The following NRG3 variants were observed in gnomAD, a reference collection of about 807,000 sequenced individuals.
NRG3 encodes the protein neuregulin 3, also known as pro-neuregulin-3, membrane-bound isoform.
In NRG3, 31 loss-of-function variants were observed where a neutral mutation model predicts 66.9. That is an observed-to-expected ratio of 0.46 (90% CI 0.35 to 0.63). The LOEUF is 0.63. Ranked by LOEUF, NRG3 falls within the 20% of genes least tolerant of loss-of-function variation. NRG3 has a pLI of 0.00. For synonymous variants in NRG3, 393 were observed against 359.4 expected, an observed-to-expected ratio of 1.09 and a Z score of -1.06; for missense variants, 910 against 878.9, an observed-to-expected ratio of 1.04 and a Z score of -0.45.
intron 2 of NRG3, among the ~76,000 whole-genome samples, chr10:82,667,905 G>T (rs1470794634): frequency 6.6e-6 from 1 of 152,128 alleles, no homozygotes; most frequent in African/African-American, 2.4e-5. Flanking sequence ...AATTTTAGAT[G>T]CAAAGCTGAC....
intron 1 of NRG3, among the ~76,000 whole-genome samples, chr10:82,287,914 G>C (rs2079513457): frequency 1.3e-5 from 2 of 152,154 alleles, no homozygotes; most frequent in Non-Finnish European, 2.9e-5. Flanking sequence ...GTCCCTTGTT[G>C]ATCATGATTA....
intron 1 of NRG3, among the ~76,000 whole-genome samples, chr10:82,006,864 C>G (rs936582043): frequency 6.6e-6 from 1 of 152,144 alleles, no homozygotes; most frequent in Admixed American, 6.6e-5. Context: ...ATCAATTAAG[C>G]TAAGTTCTCT....
rs146300093 is a variant in NRG3 at position 82,172,520 on chromosome 10, C to T, written c.824-186219C>T. Among the ~76,000 whole-genome samples the T allele has an allele frequency of 8.5e-5, 13 of 152,144 alleles. No individual in the cohort carries two copies. In the East Asian group the frequency reaches 1.6e-3, roughly 18 times the overall value. On this transcript the variant is annotated intron_variant, in intron 1 of 8. Transcript: ENST00000372141. ...ACTGGAGAATAGAACAAGAAATCTACGCTTAAATCTCAGCTTCAAGACTTC... is the reference window on the plus strand; with the variant it reads ...ACTGGAGAATAGAACAAGAAATCTATGCTTAAATCTCAGCTTCAAGACTTC...
intron 1 of NRG3, among the ~76,000 whole-genome samples, chr10:81,890,085 CA>C (rs1217419009): frequency 6.6e-6 from 1 of 152,152 alleles, no homozygotes; most frequent in Non-Finnish European, 1.5e-5. Context: ...CTAGATAACA[CA>C]AAAATGTTAA....
chr10:82,330,696 T>G (rs1407352412), intron 1 of NRG3, among the ~76,000 whole-genome samples: 1 of 152,234 alleles, frequency 6.6e-6, no homozygotes, highest in East Asian at 1.9e-4. Flanking sequence ...GTTTCCTACC[T>G]CGTTGTAAGT....
At chr10:82,699,802 A>T (rs1390499263) in intron 2 of NRG3, among the ~76,000 whole-genome samples, 1 of 152,078 alleles carries the variant, frequency 6.6e-6, no homozygotes, top group Non-Finnish European at 1.5e-5. Flanking sequence ...AGAACACAAT[A>T]CTGCACAAAT....
intron 2 of NRG3, among the ~76,000 whole-genome samples, chr10:82,395,130 G>A (rs375847338): frequency 3.5e-4 from 54 of 152,268 alleles, no homozygotes; most frequent in African/African-American, 1.2e-3. Flanking sequence ...ATGCCAGATA[G>A]CTGCTGCCAA....
At chr10:82,868,495 C>T (rs1234525329) in intron 4 of NRG3, among the ~76,000 whole-genome samples, 1 of 152,058 alleles carries the variant, frequency 6.6e-6, no homozygotes, top group Non-Finnish European at 1.5e-5. Context: ...TGGGGAACAA[C>T]TCAGAGTTCA....
chr10:82,239,447 C>T (rs2133978931), intron 1 of NRG3, among the ~76,000 whole-genome samples: 1 of 152,262 alleles, frequency 6.6e-6, no homozygotes, highest in African/African-American at 2.4e-5. Flanking sequence ...TGAGCCACCG[C>T]ACCTGGCCAG....
intron 1 of NRG3, among the ~76,000 whole-genome samples, chr10:82,206,182 A>T (rs574426292): frequency 6.6e-6 from 1 of 152,278 alleles, no homozygotes; most frequent in Admixed American, 6.5e-5. Context: ...GCATCTTCAA[A>T]TATTTAGTTT....
intron 1 of NRG3, among the ~76,000 whole-genome samples, chr10:82,042,343 T>C (rs1398183543): frequency 6.6e-6 from 1 of 152,072 alleles, no homozygotes; most frequent in Non-Finnish European, 1.5e-5. Context: ...ATCTTTATTT[T>C]TTGCAAATAC....
At chr10:82,076,431 C>A (rs575448143) in intron 1 of NRG3, among the ~76,000 whole-genome samples, 5 of 152,132 alleles carry the variant, frequency 3.3e-5, no homozygotes, top group Non-Finnish European at 7.3e-5. Flanking sequence ...TGTGGAGCAA[C>A]AGAAAGAGCA....
intron 2 of NRG3, among the ~76,000 whole-genome samples, chr10:82,517,170 G>A (rs1023841941): frequency 6.6e-6 from 1 of 151,816 alleles, no homozygotes; most frequent in African/African-American, 2.4e-5. Context: ...ATTTTGTCCA[G>A]TTATTCTTCT....
chr10:82,013,579 A>C (rs1377092849), intron 1 of NRG3, among the ~76,000 whole-genome samples: 3 of 152,186 alleles, frequency 2.0e-5, no homozygotes, highest in Admixed American at 1.3e-4. Flanking sequence ...TGTCAGAAAA[A>C]AATATTTCAG....
intron 1 of NRG3, among the ~76,000 whole-genome samples, chr10:82,132,384 TC>T (rs2068891016): frequency 6.8e-6 from 1 of 147,988 alleles, no homozygotes; most frequent in Non-Finnish European, 1.5e-5. Flanking sequence ...CTGGAATAAA[TC>T]CCAAGTGGTC....
intron 1 of NRG3, among the ~76,000 whole-genome samples, chr10:81,985,585 G>A (rs1175539039): frequency 6.6e-6 from 1 of 152,242 alleles, no homozygotes; most frequent in African/African-American, 2.4e-5. Context: ...AATGCAGGGA[G>A]AGAGATGAGA....
intron 3 of NRG3, among the ~76,000 whole-genome samples, chr10:82,759,180 C>T (rs1363448925): frequency 6.6e-6 from 1 of 151,602 alleles, no homozygotes; most frequent in Admixed American, 6.6e-5. Context: ...TTCTTGGTCT[C>T]TCTCTCTCTC....
At chr10:81,939,933 G>A (rs970222318) in intron 1 of NRG3, among the ~76,000 whole-genome samples, 2 of 151,282 alleles carry the variant, frequency 1.3e-5, no homozygotes, top group Admixed American at 6.6e-5. Flanking sequence ...TTATATTAAT[G>A]CCTTTGCTAT....
chr10:82,655,391 A>T (rs1349244547), intron 2 of NRG3, among the ~76,000 whole-genome samples: 1 of 152,160 alleles, frequency 6.6e-6, no homozygotes, highest in Admixed American at 6.5e-5. Flanking sequence ...ACAATAGGAT[A>T]TTTTTAAGTA....
Sources: allele counts gnomAD v4.1 joint callset (sites outside exome capture counted in the v4.1 genomes callset), GRCh38; gene constraint gnomAD v4.1.1; transcripts MANE v1.5; gene names NCBI Gene and HGNC (gene_info 2026-07-23, HGNC 2026-07-21).